Variants in USP9Y observed in about 807,000 individuals in gnomAD.
USP9Y encodes ubiquitin specific peptidase 9 Y-linked.
USP9Y carries 41 observed loss-of-function variants against 53.1 expected under a neutral mutation model. That is an observed-to-expected ratio of 0.77 (90% CI 0.60 to 1.00). USP9Y has a LOEUF of 1.00. Among genes scored for constraint, USP9Y ranks in the 50% least tolerant of loss-of-function variants. USP9Y has a pLI of 0.00. For synonymous variants in USP9Y, 220 were observed against 173.7 expected (o/e 1.27, Z -2.09); for missense variants, 567 against 535.8 (o/e 1.06, Z -0.58).
At position 12,806,166 on chromosome Y, in the gene USP9Y, T is replaced by A. The variant is rs745629725; in HGVS notation, c.3984-4013T>A. 2.7e-3 allele frequency among the ~76,000 whole-genome samples: 89 copies of A among 33,266 alleles called. No homozygotes were observed. In the East Asian group the frequency reaches 0.054, roughly 20 times the overall value. 89.2% of individuals were successfully genotyped at this position (33,266 alleles called of 37,273 possible). A position where few individuals can be genotyped will look rare whatever the true frequency, so the allele number is the denominator to read the frequency against. On this transcript the variant is annotated intron_variant, in intron 27 of 45. Transcript: ENST00000338981. ...TAAAAATTTGTTTTTTAAAAAAAAATGTGCTTATTCCCTTTTCTGTATATT... is the reference window on the plus strand; with the variant it reads ...TAAAAATTTGTTTTTTAAAAAAAAAAGTGCTTATTCCCTTTTCTGTATATT...
intron 15 of USP9Y, among the ~76,000 whole-genome samples, chrY:12,763,889 T>G: frequency 1.6e-4 from 5 of 30,979 alleles, no homozygotes; most frequent in Admixed American, 1.5e-3. Context: ...GTAAGGCTGG[T>G]CTTGAACTCC....
chrY:12,804,890 G>A, intron 27 of USP9Y, among the ~76,000 whole-genome samples: 1 of 30,092 alleles, frequency 3.3e-5, no homozygotes. Flanking sequence ...ACCGGAAGGC[G>A]AAGGTTGCAG....
At position 12,757,398 on chromosome Y, in the gene USP9Y, G is replaced by C. The variant is rs2148283742; in HGVS notation, c.1629G>C (p.Gln543His). ...AAATACTAGATTATAGTTGTTCCCAGGTATGGGAGTGTTTCTTTGTTCAGT... is the reference window on the plus strand; with the variant it reads ...AAATACTAGATTATAGTTGTTCCCACGTATGGGAGTGTTTCTTTGTTCAGT... ...HIKILDYSCS[Q>H]DRDAQKIQWI... Residue 543 changes from glutamine (Q) to histidine (H), a missense_variant and splice_region_variant, in exon 13 of 46, where the codon CAG (glutamine) becomes CAC (histidine). Gln to His is a conservative substitution (Grantham distance 24). Coordinates refer to ENST00000338981, the MANE Select transcript of USP9Y (RefSeq NM_004654.4). 2.5e-6 allele frequency: 1 copy of C among 393,294 alleles called. No individual in the cohort carries two copies. The highest frequency in any genetic ancestry group is 3.0e-5 in the South Asian group (1 of 33,645).
chrY:12,711,056 C>T (rs2053424426), intron 3 of USP9Y, among the ~76,000 whole-genome samples: 2 of 32,521 alleles, frequency 6.1e-5, no homozygotes, highest in Non-Finnish European at 7.5e-5. Context: ...ACCCTAGATC[C>T]CTCACATTGA....
At chrY:12,779,756 G>A in intron 22 of USP9Y, 110 bp downstream of exon 22, 1 of 232,263 alleles carries the variant, frequency 4.3e-6, no homozygotes, top group Admixed American at 8.3e-5. Flanking sequence ...TATACTTTGT[G>A]GAATAGTCTC....
intron 25 of USP9Y, 41 bp from the exon 26 acceptor site, chrY:12,791,458 T>C: frequency 2.6e-6 from 1 of 379,054 alleles, no homozygotes; most frequent in Non-Finnish European, 3.7e-6. Flanking sequence ...TTCACTTTAA[T>C]GTTCTGCCAG....
chrY:12,714,176 G>T (rs2053428519), intron 3 of USP9Y, among the ~76,000 whole-genome samples: 1 of 30,014 alleles, frequency 3.3e-5, no homozygotes, highest in African/African-American at 1.3e-4. Context: ...CAGCCATCGT[G>T]CCAGGCCAAT....
intron 16 of USP9Y, 65 bp from the exon 17 acceptor site, chrY:12,773,518 T>C: frequency 7.4e-6 from 2 of 270,465 alleles, no homozygotes; most frequent in Non-Finnish European, 1.2e-5. Flanking sequence ...ATGTTGTGCC[T>C]GTCAAAACTT....
intron 19 of USP9Y, among the ~76,000 whole-genome samples, chrY:12,777,736 G>A (rs2053493943): frequency 3.0e-5 from 1 of 32,943 alleles, no homozygotes; most frequent in Non-Finnish European, 7.5e-5. Context: ...ATTCATGTCT[G>A]TTGTGATCTA....
intron 42 of USP9Y, among the ~76,000 whole-genome samples, chrY:12,853,226 C>G: frequency 5.9e-5 from 2 of 33,959 alleles, no homozygotes; most frequent in African/African-American, 2.3e-4. Context: ...TTTACCTACT[C>G]AAGCCTCAGC....
intron 15 of USP9Y, among the ~76,000 whole-genome samples, chrY:12,769,532 C>T: frequency 5.9e-5 from 2 of 33,702 alleles, no homozygotes; most frequent in South Asian, 6.5e-4. Context: ...TTAAAAGTTT[C>T]GGGATAAAGG....
intron 39 of USP9Y, among the ~76,000 whole-genome samples, chrY:12,843,764 A>G (rs2053564402): frequency 6.0e-5 from 2 of 33,270 alleles, no homozygotes; most frequent in African/African-American, 1.2e-4. Context: ...TCTCACATCA[A>G]CCTATTTATT....
intron 24 of USP9Y, among the ~76,000 whole-genome samples, chrY:12,789,258 G>A (rs2053505070): frequency 6.0e-5 from 2 of 33,444 alleles, no homozygotes; most frequent in Non-Finnish European, 1.5e-4. Context: ...CGCTTTGACC[G>A]CCTGACAGTT....
chrY:12,702,276 C>T, intron 1 of USP9Y, among the ~76,000 whole-genome samples: 3 of 33,817 alleles, frequency 8.9e-5, no homozygotes, highest in African/African-American at 2.3e-4. Flanking sequence ...AAATAGCTCA[C>T]AGTTTAACAG....
intron 22 of USP9Y, among the ~76,000 whole-genome samples, chrY:12,784,141 A>G: frequency 3.0e-5 from 1 of 33,725 alleles, no homozygotes; most frequent in African/African-American, 1.2e-4. Context: ...GATATTAAGT[A>G]TGCACAAAAT....
At chrY:12,746,482 T>C (rs933845707) in intron 12 of USP9Y, among the ~76,000 whole-genome samples, 1 of 33,319 alleles carries the variant, frequency 3.0e-5, no homozygotes, top group South Asian at 6.5e-4. Context: ...AAAAAACAAA[T>C]ACCCTTTTTA....
chrY:12,760,853 CCTT>C (rs2053474780), intron 15 of USP9Y, among the ~76,000 whole-genome samples: 1 of 34,015 alleles, frequency 2.9e-5, no homozygotes, highest in African/African-American at 1.1e-4. Flanking sequence ...ACTTACTCAT[CCTT>C]CTTCTTGGTA....
chrY:12,722,210 T>C, intron 5 of USP9Y, 23 bp downstream of exon 5: 2 of 353,313 alleles, frequency 5.7e-6, no homozygotes, highest in Non-Finnish European at 8.3e-6. Flanking sequence ...GTACATTTTC[T>C]ATAATACGTG....
intron 1 of USP9Y, among the ~76,000 whole-genome samples, chrY:12,707,332 G>T: frequency 6.0e-5 from 2 of 33,410 alleles, no homozygotes; most frequent in Non-Finnish European, 1.5e-4. Flanking sequence ...GGTCAGGCTG[G>T]TCGTAAACTC....
Sources: allele counts gnomAD v4.1 joint callset (sites outside exome capture counted in the v4.1 genomes callset), GRCh38; gene constraint gnomAD v4.1.1; transcripts MANE v1.5; gene names NCBI Gene and HGNC (gene_info 2026-07-23, HGNC 2026-07-21).